SIPA1L3: variants seen among roughly 807,000 people sequenced by gnomAD.
SIPA1L3 encodes the protein signal-induced proliferation-associated 1-like protein 3.
A neutral mutation model predicts 150.1 loss-of-function variants in SIPA1L3; 59 were observed. The observed-to-expected ratio is 0.39, with a 90% CI of 0.32 to 0.49. The LOEUF (loss-of-function observed/expected upper bound fraction) is 0.49. SIPA1L3 is among the 20% of genes least tolerant of loss of function. SIPA1L3 has a pLI of 0.86. For synonymous variants in SIPA1L3, 1,070 were observed against 1,077.6 expected (o/e 0.99, Z 0.14); for missense variants, 2,211 against 2,489.5 (o/e 0.89, Z 2.38).
chr19:38,087,196 G>A (rs1367519118), intron 3 of SIPA1L3, among the ~76,000 whole-genome samples: 2 of 152,216 alleles, frequency 1.3e-5, no homozygotes, highest in African/African-American at 4.8e-5. Flanking sequence ...TCATTGGTCA[G>A]TGTTTATTGA....
intron 17 of SIPA1L3, 84 bp downstream of exon 17, chr19:38,192,394 TC>T: frequency 7.7e-7 from 1 of 1,294,700 alleles, no homozygotes; most frequent in Non-Finnish European, 1.0e-6. Context: ...AGGGCTGTGC[TC>T]CCCACGGTCA....
At chr19:38,038,975 C>T (rs1040120052) in intron 2 of SIPA1L3, among the ~76,000 whole-genome samples, 5 of 152,162 alleles carry the variant, frequency 3.3e-5, no homozygotes, top group Admixed American at 6.5e-5. Flanking sequence ...CCTCCGCCTC[C>T]GAGGTTCAAG....
chr19:37,989,700 C>T (rs1967450050), intron 1 of SIPA1L3, among the ~76,000 whole-genome samples: 1 of 142,588 alleles, frequency 7.0e-6, no homozygotes, highest in South Asian at 2.2e-4. Context: ...GAGTCTCGCT[C>T]TGTCACCCAG....
rs539922591 is a variant in SIPA1L3 at position 37,993,890 on chromosome 19, A to G, written c.-378-35199A>G. Among the ~76,000 whole-genome samples, 76 of 152,106 alleles carry G rather than the reference A, an allele frequency of 5.0e-4. 1 individual carries two copies. In the South Asian group the frequency reaches 9.7e-3, roughly 19 times the overall value. On this transcript the variant is annotated intron_variant, in intron 1 of 21. Transcript: ENST00000222345. ...CAATGCATAGCAGGAAAGTAATTTC[A>G]TTTTATTTTATTATTTTTTTTTAGA...
At chr19:37,914,713 C>T (rs1221780310) in intron 1 of SIPA1L3, among the ~76,000 whole-genome samples, 1 of 152,106 alleles carries the variant, frequency 6.6e-6, no homozygotes, top group East Asian at 1.9e-4. Context: ...CTGTTTTGCC[C>T]AGGCTGATCT....
intron 2 of SIPA1L3, among the ~76,000 whole-genome samples, chr19:38,057,389 A>G (rs1380413833): frequency 6.6e-6 from 1 of 151,704 alleles, no homozygotes; most frequent in African/African-American, 2.4e-5. Flanking sequence ...TATAAAGAAC[A>G]GATTTTCGAA....
intron 8 of SIPA1L3, among the ~76,000 whole-genome samples, chr19:38,113,619 CA>C (rs763712479): frequency 1.2e-4 from 18 of 150,884 alleles, no homozygotes; most frequent in African/African-American, 4.4e-4. Flanking sequence ...AAAAAAAAAC[CA>C]AAAAAAACGG....
chr19:38,130,133 G>T lies in SIPA1L3; in HGVS notation c.2869-365G>T, dbSNP rs553382027. ...CCCAGAGGACATGGCAGTGCCACTC[G>T]CAACTCTTTGGCCAAAACAAGTCCC... On this transcript the variant is annotated intron_variant, in intron 9 of 21. Transcript: ENST00000222345. Among the ~76,000 whole-genome samples the T allele has an allele frequency of 4.6e-5, 7 of 152,256 alleles. No individual in the cohort carries two copies. The East Asian group carries it at 1.2e-3, about 25-fold the overall frequency.
At chr19:38,113,921 C>T (rs1970825482) in intron 8 of SIPA1L3, among the ~76,000 whole-genome samples, 1 of 152,146 alleles carries the variant, frequency 6.6e-6, no homozygotes, top group Non-Finnish European at 1.5e-5. Flanking sequence ...TTCAAGTGTG[C>T]AATTTCCGAA....
At chr19:38,159,422 GC>G (rs1223230182) in intron 13 of SIPA1L3, among the ~76,000 whole-genome samples, 1 of 152,198 alleles carries the variant, frequency 6.6e-6, no homozygotes, top group Non-Finnish European at 1.5e-5. Flanking sequence ...CTCCCCCTCA[GC>G]CTCAGGTCCC....
intron 13 of SIPA1L3, among the ~76,000 whole-genome samples, chr19:38,153,453 TGAG>T (rs1971872978): frequency 6.6e-6 from 1 of 152,188 alleles, no homozygotes; most frequent in Non-Finnish European, 1.5e-5. Flanking sequence ...GAGGATTACC[TGAG>T]GTCAGGAGTT....
In SIPA1L3 at chr19:38,062,622, T is replaced by TTA. The variant is rs932454971; in HGVS notation, c.-310-18633_-310-18632insAT. On this transcript the variant is annotated intron_variant, in intron 2 of 21. Transcript: ENST00000222345. ...TGCTCTCATTTTATTATTATTATTA[T>TTA]TTTTTTTTTTGAGAAAGAGTCTCAC... 3.1e-4 allele frequency among the ~76,000 whole-genome samples: 29 copies of TTA among 94,292 alleles called. No homozygotes were observed. The East Asian group carries it at 3.4e-3, about 11-fold the overall frequency. The allele number at this position is 94,292 out of a possible 152,430, so 61.9% of individuals were successfully genotyped here. A position where few individuals can be genotyped will look rare whatever the true frequency, so the allele number is the denominator to read the frequency against.
At chr19:37,911,672 C>A (rs991492419) in intron 1 of SIPA1L3, among the ~76,000 whole-genome samples, 4 of 151,646 alleles carry the variant, frequency 2.6e-5, no homozygotes, top group African/African-American at 7.3e-5. Context: ...CCACCACGCC[C>A]GGCTAATTTT....
At chr19:37,974,072 C>A (rs988301243) in intron 1 of SIPA1L3, among the ~76,000 whole-genome samples, 1 of 152,174 alleles carries the variant, frequency 6.6e-6, no homozygotes, top group Non-Finnish European at 1.5e-5. Flanking sequence ...GCTGAAGGGT[C>A]ATGATGCTGA....
At chr19:37,974,916 G>A (rs1042965689) in intron 1 of SIPA1L3, among the ~76,000 whole-genome samples, 3 of 152,168 alleles carry the variant, frequency 2.0e-5, no homozygotes, top group Non-Finnish European at 2.9e-5. Context: ...GGTGGCTCAC[G>A]CCTTTAATCC....
chr19:38,058,561 C>T (rs1418534701), intron 2 of SIPA1L3, among the ~76,000 whole-genome samples: 1 of 152,140 alleles, frequency 6.6e-6, no homozygotes, highest in Non-Finnish European at 1.5e-5. Context: ...TTCCCCCAGG[C>T]AGCCCGCAAT....
At chr19:37,985,937 A>T (rs1967339357) in intron 1 of SIPA1L3, among the ~76,000 whole-genome samples, 1 of 152,198 alleles carries the variant, frequency 6.6e-6, no homozygotes, top group Non-Finnish European at 1.5e-5. Flanking sequence ...TTTTGTTCCA[A>T]AGGTGACCCA....
chr19:38,199,605 C>T lies in SIPA1L3; in HGVS notation c.4984+1073C>T, dbSNP rs961357818. Among the ~76,000 whole-genome samples, 4 of 151,462 alleles carry T rather than the reference C, an allele frequency of 2.6e-5. No homozygotes were observed. In the East Asian group the frequency reaches 5.8e-4, roughly 22 times the overall value. On this transcript the variant is annotated intron_variant, in intron 19 of 21. Coordinates refer to ENST00000222345, the MANE Select transcript of SIPA1L3 (RefSeq NM_015073.3). ...TTAATAGATGAAACACAGAAGGTTACGGGGGAGAGGGGGGAGTAGCAGAAA... is the reference window on the plus strand; with the variant it reads ...TTAATAGATGAAACACAGAAGGTTATGGGGGAGAGGGGGGAGTAGCAGAAA...
rs183962159 is a variant in SIPA1L3, at chr19:37,921,110, T to C, written c.-379+13752T>C. ...GCACCGCGGCAGGAGGCAGGAAACG[T>C]GCCCCTTTCCAGTTCTGACTCTGGA... is the stretch of plus-strand genomic sequence containing the variant. On this transcript the variant is annotated intron_variant, in intron 1 of 21. Transcript: ENST00000222345. 4.6e-5 allele frequency among the ~76,000 whole-genome samples: 7 copies of C among 152,328 alleles called. No homozygotes were observed. The East Asian group carries it at 1.4e-3, about 29-fold the overall frequency.
Sources: gnomAD v4.1 joint callset for allele counts (sites outside exome capture counted in the v4.1 genomes callset) on GRCh38, gnomAD v4.1.1 for gene constraint, MANE v1.5 for transcripts, NCBI Gene and HGNC (gene_info 2026-07-23, HGNC 2026-07-21) for gene names.